The following ANKRD36 variants were observed in gnomAD, a reference collection of about 807,000 sequenced individuals.
The protein encoded by ANKRD36 is ankyrin repeat domain-containing protein 36A.
ANKRD36 carries 179 observed loss-of-function variants against 278.1 expected under a neutral mutation model. The observed-to-expected ratio is 0.64, with a 90% confidence interval of 0.57 to 0.73. The LOEUF is 0.73. Among genes scored for constraint, ANKRD36 ranks in the 30% least tolerant of loss-of-function variants. ANKRD36 has a pLI of 0.00. For missense variants in ANKRD36, 1,159 were observed against 1,956.7 expected (o/e 0.59, Z 7.69); for synonymous variants, 320 against 641.1 (o/e 0.50, Z 7.57).
At chr2:97,156,002 G>T (rs1173378812) in intron 15 of ANKRD36, among the ~76,000 whole-genome samples, 5 of 145,328 alleles carry the variant, frequency 3.4e-5, no homozygotes, top group Non-Finnish European at 7.8e-5. Context: ...CTAATGTTGA[G>T]AATCTATAAG....
At chr2:97,122,088 G>A (rs575187991) in intron 3 of ANKRD36, among the ~76,000 whole-genome samples, 2 of 112,184 alleles carry the variant, frequency 1.8e-5, no homozygotes, top group South Asian at 5.0e-4. Flanking sequence ...CAGAATCTCA[G>A]ATGACAATGT....
intron 66 of ANKRD36, among the ~76,000 whole-genome samples, 200 bp from the exon 67 acceptor site, chr2:97,224,606 C>A (rs1174872806): frequency 6.6e-6 from 1 of 151,992 alleles, no homozygotes; most frequent in South Asian, 2.1e-4. Flanking sequence ...CCCGCCACCA[C>A]GCCCAGCTAA....
chr2:97,149,215 A>C (rs576418240), intron 11 of ANKRD36, 80 bp from the exon 12 acceptor site: 30,121 of 1,099,996 alleles, frequency 0.027, 819 homozygotes, highest in Middle Eastern at 0.038. Flanking sequence ...TGGAGTGGAC[A>C]TACGTGTATA....
intron 4 of ANKRD36, among the ~76,000 whole-genome samples, chr2:97,124,158 C>A (rs2153416746): frequency 6.6e-6 from 1 of 151,778 alleles, no homozygotes; most frequent in South Asian, 2.1e-4. Flanking sequence ...TAATTTTTCA[C>A]TTAAATTTGC....
At chr2:97,206,160 C>T (rs758882788) in intron 52 of ANKRD36, 25 bp downstream of exon 52, 8 of 1,515,746 alleles carry the variant, frequency 5.3e-6, no homozygotes, top group African/African-American at 1.4e-5. Context: ...AGATTTAATG[C>T]CATGTTCAGT....
At chr2:97,203,926 A>G in intron 48 of ANKRD36, 142 bp from the exon 49 acceptor site, 2 of 1,352,842 alleles carry the variant, frequency 1.5e-6, no homozygotes, top group East Asian at 5.1e-5. Flanking sequence ...TCACGTTCTA[A>G]TCCCCAGACC....
At chr2:97,138,681 A>G (rs1434221340) in intron 6 of ANKRD36, among the ~76,000 whole-genome samples, 1 of 152,116 alleles carries the variant, frequency 6.6e-6, no homozygotes, top group Non-Finnish European at 1.5e-5. Context: ...CCTGACTTCA[A>G]AATATACTAC....
intron 17 of ANKRD36, 98 bp from the exon 18 acceptor site, chr2:97,162,001 C>T: frequency 6.6e-6 from 8 of 1,203,592 alleles, no homozygotes; most frequent in South Asian, 2.4e-5. Flanking sequence ...CAGTATAGAC[C>T]TTATGAATTT....
chr2:97,188,262 A>G (rs2057843351), intron 32 of ANKRD36, among the ~76,000 whole-genome samples: 1 of 151,734 alleles, frequency 6.6e-6, no homozygotes, highest in Non-Finnish European at 1.5e-5. Context: ...AATTATGTTG[A>G]ATTCTAATTA....
chr2:97,209,108 G>A (rs1483079856), intron 54 of ANKRD36, among the ~76,000 whole-genome samples: 1 of 146,600 alleles, frequency 6.8e-6, no homozygotes, highest in African/African-American at 2.7e-5. Context: ...GGGTGTGAAA[G>A]ATAATGAATA....
chr2:97,193,987 T>C (rs1259370802), intron 38 of ANKRD36, among the ~76,000 whole-genome samples: 1 of 151,706 alleles, frequency 6.6e-6, no homozygotes, highest in African/African-American at 2.4e-5. Context: ...CTAATGCTTG[T>C]AGCCATTTTA....
chr2:97,161,407 T>C (rs1248367779), intron 17 of ANKRD36, among the ~76,000 whole-genome samples: 1 of 152,072 alleles, frequency 6.6e-6, no homozygotes, highest in Non-Finnish European at 1.5e-5. Flanking sequence ...AAAATACCTT[T>C]AACCATTTCT....
chr2:97,122,823 G>A, intron 3 of ANKRD36, 64 bp from the exon 4 acceptor site: 1 of 1,430,672 alleles, frequency 7.0e-7, no homozygotes. Context: ...ACTTACATAA[G>A]GTTTTCAGTT....
At chr2:97,211,290 C>T (rs889221581) in intron 56 of ANKRD36, among the ~76,000 whole-genome samples, 39 of 151,904 alleles carry the variant, frequency 2.6e-4, no homozygotes, top group Admixed American at 8.5e-4. Flanking sequence ...TTGATATTGA[C>T]AGGGCTTTAT....
chr2:97,222,272 G>A (rs1464057914), intron 66 of ANKRD36, among the ~76,000 whole-genome samples: 3 of 151,874 alleles, frequency 2.0e-5, no homozygotes, highest in Admixed American at 6.6e-5. Flanking sequence ...GCTCTTTTTT[G>A]GTTCCATATG....
At chr2:97,160,384 A>G (rs1219729145) in intron 17 of ANKRD36, among the ~76,000 whole-genome samples, 1 of 151,994 alleles carries the variant, frequency 6.6e-6, no homozygotes, top group African/African-American at 2.4e-5. Flanking sequence ...ATTATCTCCT[A>G]CAGTTGGGAC....
chr2:97,230,426 G>T (rs1224460080), intron 67 of ANKRD36, among the ~76,000 whole-genome samples: 2 of 152,042 alleles, frequency 1.3e-5, no homozygotes. Flanking sequence ...CCAGTTGATT[G>T]CATCGGCTCC....
rs1204863436 is a variant in ANKRD36 at position 97,202,194 on chromosome 2, C to A, written c.2858-8C>A. The A allele has an allele frequency of 1.2e-6, 2 of 1,609,266 alleles. No individual in the cohort carries two copies. Among genetic ancestry groups the A allele is most frequent in the African/African-American group, 2.7e-5 (2 of 74,722 alleles). ...TATGACTGATTATGAATCCCTTTTG[C>A]TTTTCAGTGTCTTCTCAGAAACCAC... On this transcript the variant is annotated splice_region_variant and splice_polypyrimidine_tract_variant and intron_variant, in intron 46 of 75. Transcript: ENST00000420699.
intron 3 of ANKRD36, among the ~76,000 whole-genome samples, chr2:97,121,310 A>G (rs1276694690): frequency 1.3e-5 from 2 of 152,086 alleles, no homozygotes; most frequent in Non-Finnish European, 2.9e-5. Flanking sequence ...TATTGCAGAC[A>G]ACATTATATT....
Sources: allele counts gnomAD v4.1 joint callset (sites outside exome capture counted in the v4.1 genomes callset), GRCh38; gene constraint gnomAD v4.1.1; transcripts MANE v1.5; gene names NCBI Gene and HGNC (gene_info 2026-07-23, HGNC 2026-07-21).